MGAT4C: variants seen among roughly 807,000 people sequenced by gnomAD.
MGAT4C encodes the protein MGAT4 family member C, also known as alpha-1,3-mannosyl-glycoprotein 4-beta-N-acetylglucosaminyltransferase C.
MGAT4C carries 19 observed loss-of-function variants against 40.1 expected under a neutral mutation model. The ratio of observed to expected loss-of-function variants is 0.47; its 90% CI spans 0.33 to 0.70. MGAT4C has a LOEUF of 0.70. Ranked by LOEUF, MGAT4C falls within the 30% of genes least tolerant of loss-of-function variation. The pLI, the probability that MGAT4C is intolerant of heterozygous loss-of-function variation, is 0.02. For missense variants in MGAT4C, 491 were observed against 563.2 expected (o/e 0.87, Z 1.30); for synonymous variants, 181 against 187.1 (o/e 0.97, Z 0.27).
At chr12:86,510,360 A>C (rs961196329) in intron 2 of MGAT4C, among the ~76,000 whole-genome samples, 6 of 152,104 alleles carry the variant, frequency 3.9e-5, no homozygotes, top group African/African-American at 1.4e-4. Context: ...TGGAAAGGAA[A>C]AACCGGTACT....
intron 1 of MGAT4C, among the ~76,000 whole-genome samples, chr12:86,169,760 C>T (rs897990583): frequency 6.6e-6 from 1 of 152,084 alleles, no homozygotes; most frequent in Admixed American, 6.5e-5. Flanking sequence ...GATAGAGTTT[C>T]CTTTTACCTT....
chr12:86,321,655 A>G (rs941139326), intron 4 of MGAT4C, among the ~76,000 whole-genome samples: 3 of 152,164 alleles, frequency 2.0e-5, no homozygotes, highest in African/African-American at 7.2e-5. Context: ...ACTTTTTTAA[A>G]AATCAGAGAC....
chr12:86,562,826 T>C (rs1959933605), intron 2 of MGAT4C, among the ~76,000 whole-genome samples: 1 of 152,112 alleles, frequency 6.6e-6, no homozygotes, highest in Non-Finnish European at 1.5e-5. Context: ...AACATAAAGT[T>C]GCATCAAATT....
chr12:86,217,038 G>T (rs1386957382), intron 1 of MGAT4C, among the ~76,000 whole-genome samples: 2 of 152,070 alleles, frequency 1.3e-5, no homozygotes, highest in African/African-American at 2.4e-5. Context: ...ATAGCACAAG[G>T]TTTTAACATT....
At chr12:86,647,670 T>C (rs991867376) in intron 2 of MGAT4C, among the ~76,000 whole-genome samples, 5 of 151,896 alleles carry the variant, frequency 3.3e-5, no homozygotes, top group African/African-American at 1.2e-4. Context: ...ACTGCCCCCA[T>C]CTGATATATA....
At position 85,980,033 on chromosome 12, in the gene MGAT4C, T is replaced by A; in HGVS notation, c.693A>T (p.Lys231Asn). The A allele has an allele frequency of 6.2e-7, 1 of 1,613,692 alleles. No individual in the cohort carries two copies. The highest frequency in any genetic ancestry group is 8.5e-7 in the Non-Finnish European group (1 of 1,179,850). The change falls in exon 5 of 5, where the codon AAA becomes AAT. Residue 231 changes from lysine to asparagine, a missense_variant. Lys to Asn is a moderately conservative substitution (Grantham distance 94). Coordinates refer to ENST00000611864, the MANE Select transcript of MGAT4C (RefSeq NM_001351288.2). Reference sequence around the variant, plus strand: ...CTTTCTTGATGGCAGTTAAGAAATTTTTTGAACATCGAACATCATCTTCAA... The same window carrying A: ...CTTTCTTGATGGCAGTTAAGAAATTATTTGAACATCGAACATCATCTTCAA... ...VMLEDDVRCS[K>N]NFLTAIKKVI...
chr12:86,424,039 G>A (rs1956879551), intron 3 of MGAT4C, among the ~76,000 whole-genome samples: 1 of 152,162 alleles, frequency 6.6e-6, no homozygotes. Context: ...GAAAGGCCTG[G>A]TTATTTGTGT....
chr12:86,798,296 A>G (rs1299495546), intron 1 of MGAT4C, among the ~76,000 whole-genome samples: 3 of 151,858 alleles, frequency 2.0e-5, no homozygotes, highest in Non-Finnish European at 4.4e-5. Flanking sequence ...TTTGTAGTTC[A>G]TCATTTTCTT....
At chr12:86,789,631 G>T (rs1331811434) in intron 1 of MGAT4C, among the ~76,000 whole-genome samples, 1 of 151,998 alleles carries the variant, frequency 6.6e-6, no homozygotes, top group African/African-American at 2.4e-5. Context: ...GTCTTGGCTT[G>T]ATTCTCCTTG....
chr12:86,411,941 G>T (rs2405923), intron 3 of MGAT4C, among the ~76,000 whole-genome samples: 97,144 of 151,898 alleles, frequency 0.64, 31,751 homozygotes, highest in South Asian at 0.77. Flanking sequence ...GCTAACAGGG[G>T]CCCCAAAATT....
intron 1 of MGAT4C, among the ~76,000 whole-genome samples, chr12:86,079,169 G>C (rs758240306): frequency 2.6e-5 from 4 of 152,134 alleles, no homozygotes; most frequent in African/African-American, 4.8e-5. Flanking sequence ...TGGTTGAAAG[G>C]AGTAGCATTT....
chr12:86,617,545 A>G (rs763812043), intron 2 of MGAT4C, among the ~76,000 whole-genome samples: 3 of 152,086 alleles, frequency 2.0e-5, no homozygotes, highest in African/African-American at 4.8e-5. Context: ...AAAATTAGCC[A>G]GGCGTGGTGG....
At chr12:86,820,280 GTA>G (rs1952682861) in intron 1 of MGAT4C, among the ~76,000 whole-genome samples, 2 of 150,676 alleles carry the variant, frequency 1.3e-5, no homozygotes, top group Non-Finnish European at 3.0e-5. Context: ...CTTACTTGTT[GTA>G]TATGTCCACT....
intron 3 of MGAT4C, among the ~76,000 whole-genome samples, chr12:86,375,968 T>C (rs891187473): frequency 6.6e-6 from 1 of 152,170 alleles, no homozygotes; most frequent in Non-Finnish European, 1.5e-5. Context: ...TCTATTATAA[T>C]GTTTGCATTT....
chr12:86,224,684 T>A lies in MGAT4C; in HGVS notation c.-57+31555A>T, dbSNP rs146780825. ...TATACAAATATGTGGAAACTAAGCA[T>A]CATGCTCTTGAACAATCACTGGGTT... On this transcript the variant is annotated intron_variant, in intron 1 of 4. Transcript: ENST00000611864. Among the ~76,000 whole-genome samples, 255 of 152,274 alleles carry A rather than the reference T, an allele frequency of 1.7e-3. 2 individuals carry two copies. The highest frequency in any genetic ancestry group is 3.9e-3 in the South Asian group (19 of 4,828).
rs143595110 is a variant in MGAT4C, at chr12:86,677,997, C to A, written c.-229+49212G>T. Among the ~76,000 whole-genome samples, 499 of 147,904 alleles carry A rather than the reference C, an allele frequency of 3.4e-3. 3 individuals are homozygous for A. The highest frequency in any genetic ancestry group is 0.013 in the African/African-American group (477 of 38,110). On this transcript the variant is annotated intron_variant, in intron 2 of 7. Coordinates refer to the MGAT4C transcript ENST00000548651. Reference sequence around the variant, plus strand: ...CGCTTCCTAGAAAATAACATCCAGTCCCATGGCTTAAACACCAAATGTATG... The same window carrying A: ...CGCTTCCTAGAAAATAACATCCAGTACCATGGCTTAAACACCAAATGTATG...
intron 2 of MGAT4C, among the ~76,000 whole-genome samples, chr12:86,501,554 C>T (rs933785876): frequency 8.5e-6 from 1 of 117,748 alleles, no homozygotes; most frequent in Non-Finnish European, 1.6e-5. Flanking sequence ...TCCATGTGTT[C>T]TCACTGTTCA....
intron 2 of MGAT4C, among the ~76,000 whole-genome samples, chr12:86,616,399 A>C (rs992115469): frequency 6.6e-6 from 1 of 152,164 alleles, no homozygotes; most frequent in African/African-American, 2.4e-5. Context: ...CAGAATAAGC[A>C]TAAGTAAACA....
chr12:86,359,542 G>A (rs1592739502), intron 3 of MGAT4C, among the ~76,000 whole-genome samples: 1 of 151,968 alleles, frequency 6.6e-6, no homozygotes, highest in African/African-American at 2.4e-5. Context: ...GAATCCATGA[G>A]CTGGTTTTTT....
Sources: allele counts gnomAD v4.1 joint callset (sites outside exome capture counted in the v4.1 genomes callset), GRCh38; gene constraint gnomAD v4.1.1; transcripts MANE v1.5; gene names NCBI Gene and HGNC (gene_info 2026-07-23, HGNC 2026-07-21).